The following ADAM7 variants were observed in gnomAD, a reference collection of about 807,000 sequenced individuals.
ADAM7 encodes the protein disintegrin and metalloproteinase domain-containing protein 7.
A neutral mutation model predicts 102.9 loss-of-function variants in ADAM7; 97 were observed. The observed-to-expected ratio is 0.94, with a 90% CI of 0.80 to 1.12. The LOEUF is 1.12. Ranked by LOEUF, ADAM7 falls within the 50% of genes most tolerant of loss-of-function variation. ADAM7 has a pLI of 0.00. For synonymous variants in ADAM7, 334 were observed against 304.4 expected (o/e 1.10, Z -1.01); for missense variants, 991 against 908.7 (o/e 1.09, Z -1.16).
chr8:24,491,873 G>A, intron 13 of ADAM7, 30 bp from the exon 14 acceptor site: 1 of 1,543,290 alleles, frequency 6.5e-7, no homozygotes, highest in Admixed American at 2.1e-5. Flanking sequence ...AATGTATCCA[G>A]GATTTAGTCT....
At chr8:24,476,148 A>G (rs1033733515) in intron 7 of ADAM7, among the ~76,000 whole-genome samples, 1 of 152,208 alleles carries the variant, frequency 6.6e-6, no homozygotes, top group Non-Finnish European at 1.5e-5. Context: ...TTGGTTTAAT[A>G]AATTAATGCA....
At chr8:24,441,258 CGTT>C in intron 1 of ADAM7, 98 bp downstream of exon 1, 1 of 1,227,496 alleles carries the variant, frequency 8.1e-7, no homozygotes, top group South Asian at 1.2e-5. Context: ...AAACATTAAA[CGTT>C]GATGATTTTT....
chr8:24,447,922 A>G (rs1167617596), intron 3 of ADAM7, among the ~76,000 whole-genome samples: 3 of 145,522 alleles, frequency 2.1e-5, no homozygotes, highest in Non-Finnish European at 4.5e-5. Context: ...TCTATTAGCT[A>G]AAAGTAAATA....
intron 7 of ADAM7, among the ~76,000 whole-genome samples, chr8:24,472,122 C>CAAAAAAAAAAAAAAAAAAAAAAAAAA (rs55708871): frequency 9.7e-6 from 1 of 102,772 alleles, no homozygotes. Context: ...AAAAAGATAA[C>CAAAAAAAAAAAAAAAAAAAAAAAAAA]AAAAAAAAAA....
chr8:24,442,696 A>G lies in ADAM7; in HGVS notation c.156+120A>G, dbSNP rs987437908. The G allele has an allele frequency of 4.1e-5, 32 of 771,702 alleles. No homozygotes were observed. The South Asian group carries it at 4.7e-4, about 11-fold the overall frequency. 47.8% of individuals were successfully genotyped at this position (771,702 alleles called of 1,614,324 possible). A position where few individuals can be genotyped will look rare whatever the true frequency, so the allele number is the denominator to read the frequency against. ...AGTTTCAATTTTTCTAAGGACTCCC[A>G]TTCGGCATACACCATGTGCTTGGGA... On this transcript the variant is annotated intron_variant, in intron 2 of 21. Transcript: ENST00000175238.
At chr8:24,473,885 A>G (rs1303116219) in intron 7 of ADAM7, among the ~76,000 whole-genome samples, 1 of 152,082 alleles carries the variant, frequency 6.6e-6, no homozygotes, top group East Asian at 1.9e-4. Flanking sequence ...AAATTTATAT[A>G]TATAGTATAT....
rs111355286 is a variant in ADAM7 at position 24,481,063 on chromosome 8, A to AAAACAAAC, written c.706-1052_706-1045dup. On this transcript the variant is annotated intron_variant, in intron 8 of 21. Transcript: ENST00000175238. Reference sequence around the variant, plus strand: ...GGTGACAGAATGAGACCCTGTCTCAAAAACAAACAAACAAACAAACAAACA... The same window carrying AAAACAAAC: ...GGTGACAGAATGAGACCCTGTCTCAAAAACAAACAAACAAACAAACAAACAAACAAACA... 3.9e-3 allele frequency among the ~76,000 whole-genome samples: 582 copies of AAAACAAAC among 149,980 alleles called. 4 individuals carry two copies. Among genetic ancestry groups the AAAACAAAC allele is most frequent in the African/African-American group, 0.011 (446 of 40,448 alleles).
chr8:24,444,140 C>T (rs1010175741), intron 2 of ADAM7, among the ~76,000 whole-genome samples: 9 of 150,800 alleles, frequency 6.0e-5, no homozygotes, highest in African/African-American at 1.9e-4. Context: ...ACAGAAAGAG[C>T]TCCCGATGGC....
At chr8:24,468,080 T>C (rs181648731) in intron 6 of ADAM7, among the ~76,000 whole-genome samples, 4 of 151,690 alleles carry the variant, frequency 2.6e-5, no homozygotes, top group African/African-American at 9.7e-5. Context: ...GAAAAATAAA[T>C]AAAAATAAAT....
chr8:24,458,470 C>T (rs1195176232), intron 3 of ADAM7, among the ~76,000 whole-genome samples: 1 of 152,010 alleles, frequency 6.6e-6, no homozygotes, highest in African/African-American at 2.4e-5. Context: ...TTTGTGTCTA[C>T]AATATAAAAG....
chr8:24,506,991 A>G (rs985479716), intron 20 of ADAM7, among the ~76,000 whole-genome samples: 7 of 152,238 alleles, frequency 4.6e-5, no homozygotes, highest in Middle Eastern at 3.4e-3. Context: ...TGATTAGTTG[A>G]TTAGTTTCTA....
Position 24,480,334 on chromosome 8 carries a change from G to A in ADAM7, c.706-1808G>A, listed in dbSNP as rs936962190. 4.6e-5 allele frequency among the ~76,000 whole-genome samples: 7 copies of A among 152,228 alleles called. No homozygotes were observed. The South Asian group carries it at 6.2e-4, about 14-fold the overall frequency. On this transcript the variant is annotated intron_variant, in intron 8 of 21. Coordinates refer to ENST00000175238, the MANE Select transcript of ADAM7 (RefSeq NM_003817.4). ...TTAAGCTAACAAAGTCTAAAAGCCC[G>A]TGTGCCTGGCCATTGTATCCCTTCT...
At chr8:24,451,335 A>T (rs4291279) in intron 3 of ADAM7, among the ~76,000 whole-genome samples, 3,129 of 152,182 alleles carry the variant, frequency 0.021, 118 homozygotes, top group African/African-American at 0.072. Flanking sequence ...AGAGCCTGTT[A>T]TTGGTCTATT....
chr8:24,503,533 C>T (rs1463752498), intron 20 of ADAM7, among the ~76,000 whole-genome samples: 2 of 152,106 alleles, frequency 1.3e-5, no homozygotes, highest in African/African-American at 4.8e-5. Context: ...TGGGTATATA[C>T]CCAAAGGATT....
rs1338089554 is a variant in ADAM7, at chr8:24,501,652, C to G, written c.2208+76C>G. Reference sequence around the variant, plus strand: ...GTAGCTGAATGTGTTTAAAGTAGAACCCGTCCTAAGCTAAGTGACATGGGA... The same window carrying G: ...GTAGCTGAATGTGTTTAAAGTAGAAGCCGTCCTAAGCTAAGTGACATGGGA... On this transcript the variant is annotated intron_variant, in intron 20 of 21. Transcript: ENST00000175238. The G allele has an allele frequency of 4.4e-6, 5 of 1,124,766 alleles. No homozygotes were observed. In the East Asian group the frequency reaches 1.3e-4, roughly 29 times the overall value. 69.7% of individuals were successfully genotyped at this position (1,124,766 alleles called of 1,614,324 possible). A position where few individuals can be genotyped will look rare whatever the true frequency, so the allele number is the denominator to read the frequency against.
chr8:24,478,160 A>G (rs1231393430), intron 8 of ADAM7, among the ~76,000 whole-genome samples: 1 of 152,128 alleles, frequency 6.6e-6, no homozygotes, highest in Non-Finnish European at 1.5e-5. Flanking sequence ...GAATGAGGAA[A>G]TCAGGCCTGG....
intron 3 of ADAM7, among the ~76,000 whole-genome samples, chr8:24,459,871 C>T: frequency 1.3e-5 from 2 of 151,860 alleles, no homozygotes; most frequent in Middle Eastern, 3.4e-3. Flanking sequence ...GTTTATTTTT[C>T]TCTGGTTATA....
intron 7 of ADAM7, among the ~76,000 whole-genome samples, chr8:24,469,189 C>T (rs1466947893): frequency 6.6e-6 from 1 of 152,068 alleles, no homozygotes; most frequent in African/African-American, 2.4e-5. Context: ...TTGGTGACCC[C>T]GCTATACAGA....
chr8:24,442,357 C>T (rs74633744), intron 1 of ADAM7, 116 bp from the exon 2 acceptor site: 29,341 of 753,972 alleles, frequency 0.039, 762 homozygotes, highest in Middle Eastern at 0.079. Context: ...CATAGTGTTG[C>T]TGTCCATGGC....
Sources: gnomAD v4.1 joint callset for allele counts (sites outside exome capture counted in the v4.1 genomes callset) on GRCh38, gnomAD v4.1.1 for gene constraint, MANE v1.5 for transcripts, NCBI Gene and HGNC (gene_info 2026-07-23, HGNC 2026-07-21) for gene names.